The following PLEKHA5 variants were observed in gnomAD, a reference collection of about 807,000 sequenced individuals.
PLEKHA5 encodes pleckstrin homology domain-containing family A member 5.
PLEKHA5 carries 55 observed loss-of-function variants against 181.9 expected under a neutral mutation model. The ratio of observed to expected loss-of-function variants is 0.30; its 90% CI spans 0.24 to 0.38. The LOEUF is 0.38. PLEKHA5 is among the 10% of genes least tolerant of loss of function. The pLI is 1.00. For missense variants in PLEKHA5, 1,432 were observed against 1,549.5 expected, an observed-to-expected ratio of 0.92 and a Z score of 1.27; for synonymous variants, 535 against 529.4, an observed-to-expected ratio of 1.01 and a Z score of -0.15.
At chr12:19,182,739 A>C (rs1460720116) in intron 3 of PLEKHA5, among the ~76,000 whole-genome samples, 1 of 152,194 alleles carries the variant, frequency 6.6e-6, no homozygotes, top group Non-Finnish European at 1.5e-5. Context: ...AACAAAAATA[A>C]GTATAAGTAC....
intron 20 of PLEKHA5, among the ~76,000 whole-genome samples, chr12:19,330,810 C>T (rs2092767723): frequency 6.6e-6 from 1 of 151,890 alleles, no homozygotes; most frequent in African/African-American, 2.4e-5. Context: ...CGAAATATAC[C>T]AGTAAAATTA....
At chr12:19,309,347 T>C (rs1402626987) in intron 15 of PLEKHA5, among the ~76,000 whole-genome samples, 1 of 152,114 alleles carries the variant, frequency 6.6e-6, no homozygotes, top group Non-Finnish European at 1.5e-5. Context: ...CTACCTATCC[T>C]GAGTCCATCT....
intron 3 of PLEKHA5, among the ~76,000 whole-genome samples, chr12:19,233,203 A>G (rs1024628825): frequency 2.0e-5 from 3 of 152,198 alleles, no homozygotes; most frequent in African/African-American, 7.2e-5. Context: ...CTATACCAAA[A>G]TAAATGAATT....
rs79113372 is a variant in PLEKHA5, at chr12:19,180,515, T to A, written c.227+48065T>A. ...AATAAGCAGATAGGGAACAATTTTG[T>A]CAGATACTGTGGATTAATGGTATTT... is the stretch of plus-strand genomic sequence containing the variant. On this transcript the variant is annotated intron_variant, in intron 3 of 31. Transcript: ENST00000429027. 8.4e-3 allele frequency among the ~76,000 whole-genome samples: 1,280 copies of A among 152,250 alleles called. 19 individuals are homozygous for A. Among genetic ancestry groups the A allele is most frequent in the African/African-American group, 0.029 (1,217 of 41,550 alleles).
chr12:19,286,964 CAAAAAACAA>C (rs1391830269), intron 12 of PLEKHA5, among the ~76,000 whole-genome samples: 6 of 102,794 alleles, frequency 5.8e-5, no homozygotes, highest in African/African-American at 1.6e-4. Flanking sequence ...GACTCTGCTT[CAAAAAACAA>C]AAAAAAAAAG....
chr12:19,355,512 C>T (rs117024836), intron 26 of PLEKHA5, among the ~76,000 whole-genome samples: 1,541 of 151,950 alleles, frequency 0.01, 15 homozygotes, highest in Non-Finnish European at 0.017. Context: ...CCACCATACT[C>T]GGCTAAATTT....
intron 3 of PLEKHA5, among the ~76,000 whole-genome samples, chr12:19,186,637 C>T (rs1459128184): frequency 1.3e-5 from 2 of 152,188 alleles, no homozygotes; most frequent in Non-Finnish European, 2.9e-5. Context: ...TACATTCCCT[C>T]TGGTCATGTT....
intron 3 of PLEKHA5, among the ~76,000 whole-genome samples, chr12:19,147,965 G>A (rs908761628): frequency 6.6e-6 from 1 of 152,082 alleles, no homozygotes; most frequent in East Asian, 1.9e-4. Flanking sequence ...TCGAACTCCT[G>A]GGCCCACGCC....
intron 13 of PLEKHA5, chr12:19,288,077 C>CA (rs9300127): frequency 0.058 from 10,773 of 184,968 alleles, 82 homozygotes; most frequent in Non-Finnish European, 0.071. Context: ...GACTCTGTCT[C>CA]AAAAAAAAAA....
At chr12:19,156,519 G>A (rs2041762906) in intron 3 of PLEKHA5, among the ~76,000 whole-genome samples, 1 of 151,738 alleles carries the variant, frequency 6.6e-6, no homozygotes, top group African/African-American at 2.4e-5. Context: ...TCCCTTTACT[G>A]TGATCACCTT....
chr12:19,134,898 G>A (rs1456606766), intron 3 of PLEKHA5, among the ~76,000 whole-genome samples: 3 of 152,094 alleles, frequency 2.0e-5, no homozygotes, highest in East Asian at 1.9e-4. Context: ...AAAGTGATTC[G>A]TGTTGGTGGC....
intron 7 of PLEKHA5, among the ~76,000 whole-genome samples, chr12:19,264,673 GA>G (rs1463525969): frequency 3.3e-5 from 5 of 151,962 alleles, no homozygotes; most frequent in Non-Finnish European, 5.9e-5. Context: ...AAAAGCTATT[GA>G]AAAAAGCCTC....
rs760003783 is a variant in PLEKHA5 at position 19,347,137 on chromosome 12, G to T, written c.2853G>T (p.Lys951Asn). 4 of 1,550,270 alleles carry T rather than the reference G, an allele frequency of 2.6e-6. No individual in the cohort carries two copies. The African/African-American group carries it at 5.5e-5, about 21-fold the overall frequency. ...SRGPVHLPEE[K>N]KMYQVQGYPR... The stretch of plus-strand genomic sequence containing the variant: ...GCCCAGTTCATCTGCCTGAAGAAAA[G>T]AAGATGTATCAAGTTCAAGGATATC... Residue 951 changes from lysine to asparagine, a missense_variant, in exon 24 of 32, where the codon AAG becomes AAT. Around this residue, in one of 2 missense-constraint regions of PLEKHA5, gnomAD observed 1,143 missense variants for 1,168.4 expected, o/e 0.98. Transcript: ENST00000429027.
chr12:19,259,197 A>T (rs1032361700), intron 6 of PLEKHA5, among the ~76,000 whole-genome samples: 3 of 149,558 alleles, frequency 2.0e-5, no homozygotes, highest in African/African-American at 4.9e-5. Context: ...TCTCTACTTT[A>T]AAAAAAAACA....
chr12:19,305,674 C>T (rs1011397007), intron 15 of PLEKHA5, among the ~76,000 whole-genome samples: 3 of 151,652 alleles, frequency 2.0e-5, no homozygotes, highest in Non-Finnish European at 2.9e-5. Flanking sequence ...GCCTGACTAC[C>T]GTGGAGAAAC....
intron 3 of PLEKHA5, among the ~76,000 whole-genome samples, chr12:19,239,249 CT>C (rs1360291188): frequency 6.6e-6 from 1 of 152,106 alleles, no homozygotes; most frequent in Non-Finnish European, 1.5e-5. Context: ...GTTAACTAGC[CT>C]GTTGATAGCA....
In PLEKHA5 at chr12:19,147,589, CTTTTTTCT is replaced by C. The variant is rs1403430397; in HGVS notation, c.227+15146_227+15153del. Among the ~76,000 whole-genome samples, 7 of 83,522 alleles carry C rather than the reference CTTTTTTCT, an allele frequency of 8.4e-5. No individual in the cohort carries two copies. In the Admixed American group the frequency reaches 8.6e-4, roughly 10 times the overall value. 54.8% of individuals were successfully genotyped at this position (83,522 alleles called of 152,430 possible). A position where few individuals can be genotyped will look rare whatever the true frequency, so the allele number is the denominator to read the frequency against. On this transcript the variant is annotated intron_variant, in intron 3 of 31. Transcript: ENST00000429027. ...GTTTGAAAAAGATATTTTGTAGTTTCTTTTTTCTTTTTTTTTTTTTTTGGCAAATGAAT... is the reference window on the plus strand; with the variant it reads ...GTTTGAAAAAGATATTTTGTAGTTTCTTTTTTTTTTTTTTGGCAAATGAAT...
At chr12:19,232,163 A>G (rs1435635168) in intron 3 of PLEKHA5, among the ~76,000 whole-genome samples, 2 of 152,178 alleles carry the variant, frequency 1.3e-5, no homozygotes, top group Non-Finnish European at 2.9e-5. Context: ...CTCCATGAGT[A>G]CATACTTTCC....
chr12:19,249,633 G>T (rs2064740202), intron 3 of PLEKHA5, among the ~76,000 whole-genome samples: 1 of 152,156 alleles, frequency 6.6e-6, no homozygotes, highest in Non-Finnish European at 1.5e-5. Context: ...TTATATTTTT[G>T]AAAATATTTG....
Sources: allele counts gnomAD v4.1 joint callset (sites outside exome capture counted in the v4.1 genomes callset), GRCh38; gene constraint gnomAD v4.1.1; regional missense constraint gnomAD v4.1.1; transcripts MANE v1.5; gene names NCBI Gene and HGNC (gene_info 2026-07-23, HGNC 2026-07-21).